PAWR: variants seen among roughly 807,000 people sequenced by gnomAD.
The protein encoded by PAWR is PRKC apoptosis WT1 regulator protein.
A neutral mutation model predicts 32.0 loss-of-function variants in PAWR; 23 were observed. That is an observed-to-expected ratio of 0.72 (90% confidence interval 0.52 to 1.02). The LOEUF is 1.02. PAWR is among the 50% of genes least tolerant of loss of function. The probability of loss-of-function intolerance (pLI) is 0.00; values close to 1 mark genes in which losing one functional copy is unlikely to be tolerated. For synonymous variants in PAWR, 226 were observed against 187.1 expected, an observed-to-expected ratio of 1.21 and a Z score of -1.70; for missense variants, 457 against 437.7, an observed-to-expected ratio of 1.04 and a Z score of -0.39.
At position 79,585,770 on chromosome 12, in the gene PAWR, G is replaced by A. The variant is rs1341981859; in HGVS notation, c.*6837C>T. 1 of 152,470 alleles carries A rather than the reference G, an allele frequency of 6.6e-6. No homozygotes were observed. Among genetic ancestry groups the A allele is most frequent in the East Asian group, 1.9e-4 (1 of 5,218 alleles). 9.4% of individuals were successfully genotyped at this position (152,470 alleles called of 1,614,324 possible). Reference sequence around the variant, plus strand: ...CTGTCACCCAGGCTGGAGTGCAGTGGTGTGATCTTGGCTCACTGCAGTCTC... The same window carrying A: ...CTGTCACCCAGGCTGGAGTGCAGTGATGTGATCTTGGCTCACTGCAGTCTC... On this transcript the variant is annotated 3_prime_UTR_variant, in exon 7 of 7. Transcript: ENST00000328827.
Position 79,585,124 on chromosome 12 carries a change from C to T in PAWR, c.*7483G>A, listed in dbSNP as rs767639707. 27 of 451,228 alleles carry T rather than the reference C, an allele frequency of 6.0e-5. No homozygotes were observed. Among genetic ancestry groups the T allele is most frequent in the South Asian group, 4.1e-4 (26 of 63,412 alleles). The allele number at this position is 451,228 out of a possible 1,614,324, so 28.0% of individuals were successfully genotyped here. A position where few individuals can be genotyped will look rare whatever the true frequency, so the allele number is the denominator to read the frequency against. On this transcript the variant is annotated 3_prime_UTR_variant, in exon 7 of 7. Coordinates refer to ENST00000328827, the MANE Select transcript of PAWR (RefSeq NM_002583.4). Reference sequence around the variant, plus strand: ...AGGCTTCTCCTGATACAATCTTTTGCAACATAACCAACAAAGATCAGGAGC... The same window carrying T: ...AGGCTTCTCCTGATACAATCTTTTGTAACATAACCAACAAAGATCAGGAGC...
Position 79,634,800 on chromosome 12 carries a change from GATGATTATT to G in PAWR, c.517-13602_517-13594del, listed in dbSNP as rs142719502. ...AAAAAAAAAAGAGTGACTATGGGTT[GATGATTATT>G]ATTGCTGGATGACAGTTATATAAGG... is the stretch of plus-strand genomic sequence containing the variant. On this transcript the variant is annotated intron_variant, in intron 2 of 6. Coordinates refer to ENST00000328827, the MANE Select transcript of PAWR (RefSeq NM_002583.4). Among the ~76,000 whole-genome samples, 513 of 152,054 alleles carry G rather than the reference GATGATTATT, an allele frequency of 3.4e-3. 6 individuals carry two copies. Among genetic ancestry groups the G allele is most frequent in the African/African-American group, 0.012 (490 of 41,508 alleles).
At chr12:79,595,949 A>G in intron 5 of PAWR, among the ~76,000 whole-genome samples, 1 of 152,182 alleles carries the variant, frequency 6.6e-6, no homozygotes, top group East Asian at 1.9e-4. Flanking sequence ...TCAAAAAATC[A>G]TAAATGTTAT....
intron 2 of PAWR, among the ~76,000 whole-genome samples, chr12:79,659,808 T>C (rs984135702): frequency 2.0e-5 from 3 of 152,308 alleles, no homozygotes; most frequent in Admixed American, 2.0e-4. Context: ...GCCCATCCTG[T>C]TTAATTTTTT....
In PAWR at chr12:79,614,323, A is replaced by G. The variant is rs1874624674; in HGVS notation, c.649-714T>C. On this transcript the variant is annotated intron_variant, in intron 3 of 6. Transcript: ENST00000328827. ...CTGCGCCCGGCCTTATAGTCTTTATATATCTCCCTTTGTCTTTTTTATGCC... is the reference window on the plus strand; with the variant it reads ...CTGCGCCCGGCCTTATAGTCTTTATGTATCTCCCTTTGTCTTTTTTATGCC... 2.0e-5 allele frequency among the ~76,000 whole-genome samples: 3 copies of G among 150,216 alleles called. No individual in the cohort carries two copies. In the South Asian group the frequency reaches 6.3e-4, roughly 31 times the overall value.
At chr12:79,655,832 A>C (rs1333777673) in intron 2 of PAWR, among the ~76,000 whole-genome samples, 1 of 152,244 alleles carries the variant, frequency 6.6e-6, no homozygotes, top group African/African-American at 2.4e-5. Flanking sequence ...TTTTAGACAA[A>C]GTCAATACAA....
At chr12:79,596,414 A>G in intron 5 of PAWR, 97 bp downstream of exon 5, 1 of 626,938 alleles carries the variant, frequency 1.6e-6, no homozygotes, top group Non-Finnish European at 2.7e-6. Flanking sequence ...ATTAAATATT[A>G]AGGAATATTA....
intron 3 of PAWR, among the ~76,000 whole-genome samples, chr12:79,615,604 G>A (rs1874691690): frequency 6.7e-6 from 1 of 149,898 alleles, no homozygotes; most frequent in Admixed American, 6.6e-5. Context: ...TTATCTGCTT[G>A]TCATTAAGCA....
intron 2 of PAWR, among the ~76,000 whole-genome samples, chr12:79,630,508 G>C (rs1875565444): frequency 6.6e-6 from 1 of 152,066 alleles, no homozygotes; most frequent in South Asian, 2.1e-4. Flanking sequence ...TCGTCATGTT[G>C]CCCAGGCTGG....
rs181378688 is a variant in PAWR at position 79,614,088 on chromosome 12, G to A, written c.649-479C>T. On this transcript the variant is annotated intron_variant, in intron 3 of 6. Coordinates refer to ENST00000328827, the MANE Select transcript of PAWR (RefSeq NM_002583.4). ...TGCAATGGTGTCATCTGGGCTCACC[G>A]CAACCTCTGCCTCCCGGGTTCAAGT... is the stretch of plus-strand genomic sequence containing the variant. Among the ~76,000 whole-genome samples the A allele has an allele frequency of 3.3e-3, 439 of 132,480 alleles. 1 individual carries two copies. Among genetic ancestry groups the A allele is most frequent in the East Asian group, 0.013 (49 of 3,820 alleles). The allele number at this position is 132,480 out of a possible 152,430, so 86.9% of individuals were successfully genotyped here.
At chr12:79,661,995 T>G (rs1345683721) in intron 2 of PAWR, among the ~76,000 whole-genome samples, 1 of 152,064 alleles carries the variant, frequency 6.6e-6, no homozygotes, top group Non-Finnish European at 1.5e-5. Context: ...TACCCAAAGA[T>G]AGTATTTTCA....
intron 2 of PAWR, among the ~76,000 whole-genome samples, chr12:79,624,485 C>G (rs1489267020): frequency 6.6e-6 from 1 of 152,208 alleles, no homozygotes; most frequent in African/African-American, 2.4e-5. Context: ...CTGCTATCCA[C>G]TGAACTGGGA....
chr12:79,679,506 T>C (rs1823019646), intron 2 of PAWR, among the ~76,000 whole-genome samples: 1 of 152,064 alleles, frequency 6.6e-6, no homozygotes, highest in African/African-American at 2.4e-5. Flanking sequence ...ACTGACCAAT[T>C]ATGGAGAAAA....
intron 2 of PAWR, among the ~76,000 whole-genome samples, chr12:79,639,831 TCCA>T (rs758867705): frequency 0.048 from 6,080 of 126,370 alleles, 222 homozygotes; most frequent in Admixed American, 0.099. Flanking sequence ...CTTTTCCTTT[TCCA>T]TTCCTATTCC....
At chr12:79,647,805 T>C in intron 2 of PAWR, among the ~76,000 whole-genome samples, 1 of 152,150 alleles carries the variant, frequency 6.6e-6, no homozygotes, top group Non-Finnish European at 1.5e-5. Context: ...ACCAACTAAG[T>C]ATCAAAATTA....
chr12:79,646,574 A>G (rs1876585697), intron 2 of PAWR, among the ~76,000 whole-genome samples: 2 of 152,238 alleles, frequency 1.3e-5, no homozygotes, highest in South Asian at 4.1e-4. Flanking sequence ...ACAAATCTTT[A>G]TAATGGTTCC....
intron 2 of PAWR, among the ~76,000 whole-genome samples, chr12:79,670,411 T>A (rs1877833515): frequency 6.6e-6 from 1 of 152,194 alleles, no homozygotes. Context: ...CAATATACTT[T>A]ACCAGGAGAA....
Position 79,585,109 on chromosome 12 carries a change from T to C in PAWR, c.*7498A>G, listed in dbSNP as rs1253695530. 1.8e-5 allele frequency: 8 copies of C among 448,144 alleles called. No individual in the cohort carries two copies. The highest frequency in any genetic ancestry group is 3.6e-5 in the Non-Finnish European group (8 of 224,452). 27.8% of individuals were successfully genotyped at this position (448,144 alleles called of 1,614,324 possible). ...CCAATGTCCATGCTGAGGCTTCTCC[T>C]GATACAATCTTTTGCAACATAACCA... is the stretch of plus-strand genomic sequence containing the variant. On this transcript the variant is annotated 3_prime_UTR_variant, in exon 7 of 7. Transcript: ENST00000328827.
At chr12:79,610,616 T>C (rs1182527441) in intron 4 of PAWR, among the ~76,000 whole-genome samples, 2 of 151,978 alleles carry the variant, frequency 1.3e-5, no homozygotes, top group African/African-American at 4.8e-5. Context: ...TCATGTTACA[T>C]TAGGTGAGGA....
Sources: allele counts gnomAD v4.1 joint callset (sites outside exome capture counted in the v4.1 genomes callset), GRCh38; gene constraint gnomAD v4.1.1; transcripts MANE v1.5; gene names NCBI Gene and HGNC (gene_info 2026-07-23, HGNC 2026-07-21).